The following ZBTB40 variants were observed in gnomAD, a reference collection of about 807,000 sequenced individuals.
ZBTB40 encodes zinc finger and BTB domain containing 40, also known as zinc finger and BTB domain-containing protein 40.
Under a neutral mutation model 117.5 loss-of-function variants are expected in ZBTB40, and 60 were observed. The ratio of observed to expected loss-of-function variants is 0.51; its 90% CI spans 0.41 to 0.63. ZBTB40 has a LOEUF of 0.63. Among genes scored for constraint, ZBTB40 ranks in the 30% least tolerant of loss-of-function variants. The probability of loss-of-function intolerance (pLI) is 0.00; values close to 1 mark genes in which losing one functional copy is unlikely to be tolerated. For synonymous variants in ZBTB40, 525 were observed against 577.1 expected (o/e 0.91, Z 1.29); for missense variants, 1,287 against 1,498.5 (o/e 0.86, Z 2.33).
At chr1:22,519,800 A>C in intron 13 of ZBTB40, 2 of 526,306 alleles carry the variant, frequency 3.8e-6, no homozygotes, top group Non-Finnish European at 6.9e-6. Flanking sequence ...AAAATGAGGA[A>C]TGGAGATGAA....
intron 9 of ZBTB40, 68 bp from the exon 10 acceptor site, chr1:22,511,111 A>G: frequency 1.3e-5 from 16 of 1,227,710 alleles, no homozygotes; most frequent in Admixed American, 7.4e-5. Flanking sequence ...TTTTTTTTTT[A>G]GGTTGAAAAC....
At chr1:22,473,640 C>T (rs75338991) in intron 1 of ZBTB40, among the ~76,000 whole-genome samples, 2 of 152,210 alleles carry the variant, frequency 1.3e-5, no homozygotes. Context: ...AAAACATGGT[C>T]TCCTGAGCGG....
intron 1 of ZBTB40, among the ~76,000 whole-genome samples, chr1:22,465,467 G>C (rs1227764639): frequency 6.6e-6 from 1 of 152,180 alleles, no homozygotes; most frequent in African/African-American, 2.4e-5. Context: ...AAAGGCACCA[G>C]TTCCCACTCT....
intron 1 of ZBTB40, among the ~76,000 whole-genome samples, chr1:22,466,761 A>G (rs1163841677): frequency 6.6e-6 from 1 of 151,126 alleles, no homozygotes; most frequent in Admixed American, 6.6e-5. Context: ...TTGAGTTGTA[A>G]GAGTTCCGGA....
intron 2 of ZBTB40, among the ~76,000 whole-genome samples, 183 bp from the exon 3 acceptor site, chr1:22,491,217 G>T (rs1638622220): frequency 6.6e-6 from 1 of 152,142 alleles, no homozygotes; most frequent in Non-Finnish European, 1.5e-5. Flanking sequence ...TTTTAACCAG[G>T]CTGAGGACAG....
chr1:22,504,706 G>A (rs1335423883), intron 5 of ZBTB40, among the ~76,000 whole-genome samples: 2 of 152,326 alleles, frequency 1.3e-5, no homozygotes, highest in South Asian at 2.1e-4. Flanking sequence ...CTGTGCAAGA[G>A]TTGGTATTAT....
chr1:22,521,354 C>T, intron 14 of ZBTB40, 142 bp from the exon 15 acceptor site: 1 of 1,051,566 alleles, frequency 9.5e-7, no homozygotes. Flanking sequence ...CTCACATCAG[C>T]ACCCGGTGTG....
In ZBTB40 at chr1:22,497,021, A is replaced by G. The variant is rs557038148; in HGVS notation, c.832-4471A>G. Among the ~76,000 whole-genome samples the G allele has an allele frequency of 5.9e-5, 9 of 152,336 alleles. No homozygotes were observed. The South Asian group carries it at 1.5e-3, about 25-fold the overall frequency. ...ACCACCGGTGTAAGTCCAAGAATGC[A>G]AATGCTGAAGAACTTGGAGCCTGAT... On this transcript the variant is annotated intron_variant, in intron 3 of 17. Transcript: ENST00000375647.
At chr1:22,520,404 C>G (rs1639491122) in intron 14 of ZBTB40, 129 bp downstream of exon 14, 1 of 784,462 alleles carries the variant, frequency 1.3e-6, no homozygotes, top group Admixed American at 2.0e-5. Flanking sequence ...TTGGCTGATT[C>G]TCATGAAGGA....
At chr1:22,512,639 A>G (rs947230433) in intron 11 of ZBTB40, among the ~76,000 whole-genome samples, 1 of 152,194 alleles carries the variant, frequency 6.6e-6, no homozygotes, top group Admixed American at 6.5e-5. Context: ...TCTGGGTGGC[A>G]GGGTCCTATT....
rs564405766 is a variant in ZBTB40, at chr1:22,454,891, A to G, written c.-70+2887A>G. 4.9e-4 allele frequency among the ~76,000 whole-genome samples: 75 copies of G among 152,370 alleles called. 1 individual carries two copies. The highest frequency in any genetic ancestry group is 1.7e-3 in the African/African-American group (72 of 41,576). On this transcript the variant is annotated intron_variant, in intron 1 of 17. Transcript: ENST00000375647. ...ATAACCAAATTTAGCTCCAAATGGA[A>G]ACTTTATAAAGTGCTAACTAATAAC...
Position 22,430,812 on chromosome 1 carries a change from T to C in ZBTB40, c.-70+1798T>C, listed in dbSNP as rs147063801. Among the ~76,000 whole-genome samples the C allele has an allele frequency of 6.6e-4, 101 of 152,224 alleles. 2 individuals are homozygous for C. The East Asian group carries it at 0.016, about 24-fold the overall frequency. Reference sequence around the variant, plus strand: ...TATTGTCCTTACCCCATGGGTTAATTAGAGATATAGTTTTTAGTTTTCAGA... The same window carrying C: ...TATTGTCCTTACCCCATGGGTTAATCAGAGATATAGTTTTTAGTTTTCAGA... On this transcript the variant is annotated intron_variant, in intron 1 of 8. Coordinates refer to the ZBTB40 transcript ENST00000650433.
intron 1 of ZBTB40, among the ~76,000 whole-genome samples, chr1:22,456,480 G>A (rs760172927): frequency 4.3e-4 from 66 of 152,294 alleles, no homozygotes; most frequent in Non-Finnish European, 5.9e-4. Flanking sequence ...GAAGTTGCCT[G>A]CAAATTTGTG....
chr1:22,501,452 G>A (rs1333091763), intron 3 of ZBTB40, 40 bp from the exon 4 acceptor site: 1 of 1,610,618 alleles, frequency 6.2e-7, no homozygotes, highest in South Asian at 1.1e-5. Context: ...TGGTTCTTGT[G>A]GTTCGCTAAT....
chr1:22,450,411 T>G (rs948266955), upstream of ZBTB40, among the ~76,000 whole-genome samples: 1 of 152,200 alleles, frequency 6.6e-6, no homozygotes, highest in African/African-American at 2.4e-5. Flanking sequence ...TTCCAGTTAC[T>G]ACAAAAGTGA....
chr1:22,508,714 A>T lies in ZBTB40; in HGVS notation c.1682A>T (p.Asp561Val). The T allele has an allele frequency of 6.2e-7, 1 of 1,613,748 alleles. No individual in the cohort carries two copies. Among genetic ancestry groups the T allele is most frequent in the Non-Finnish European group, 8.5e-7 (1 of 1,180,014 alleles). ...GAAATACGAAGGGAGCCTGGTGCCG[A>T]TGCTTTCTTCCGGGCAGGTAAGTTA... ...MEEIRREPGA[D>V]AFFRAVTTPE... is the part of the protein sequence containing the mutation. Residue 561 changes from aspartate to valine, a missense_variant, in exon 8 of 18, where the codon GAT (aspartate) becomes GTT (valine). Around this residue, in one of 2 missense-constraint regions of ZBTB40, gnomAD observed 870 missense variants for 934.4 expected, o/e 0.93. Coordinates refer to ENST00000375647, the MANE Select transcript of ZBTB40 (RefSeq NM_014870.4).
intron 1 of ZBTB40, among the ~76,000 whole-genome samples, chr1:22,485,896 C>G (rs1638452937): frequency 6.6e-6 from 1 of 151,426 alleles, no homozygotes; most frequent in Non-Finnish European, 1.5e-5. Flanking sequence ...CTTTTTGATT[C>G]TTTCTTAGAA....
At chr1:22,467,422 A>T (rs1485611232) in intron 1 of ZBTB40, among the ~76,000 whole-genome samples, 2 of 152,126 alleles carry the variant, frequency 1.3e-5, no homozygotes. Flanking sequence ...TTCCATCAGC[A>T]TTGTGTGGGT....
At chr1:22,460,474 CATACA>C (rs1641105085) in intron 1 of ZBTB40, among the ~76,000 whole-genome samples, 1 of 152,122 alleles carries the variant, frequency 6.6e-6, no homozygotes, top group Non-Finnish European at 1.5e-5. Flanking sequence ...TTATTGAACA[CATACA>C]AAATACCAGG....
Sources: gnomAD v4.1 joint callset for allele counts (sites outside exome capture counted in the v4.1 genomes callset) on GRCh38, gnomAD v4.1.1 for gene constraint, gnomAD v4.1.1 regional missense constraint, MANE v1.5 for transcripts, NCBI Gene and HGNC (gene_info 2026-07-23, HGNC 2026-07-21) for gene names.